Variants in ARHGAP15 observed in about 807,000 individuals in gnomAD.
The protein encoded by ARHGAP15 is Rho GTPase activating protein 15.
Under a neutral mutation model 63.7 loss-of-function variants are expected in ARHGAP15, and 51 were observed. The ratio of observed to expected loss-of-function variants is 0.80; its 90% CI spans 0.64 to 1.01. The LOEUF (loss-of-function observed/expected upper bound fraction) is 1.01, where lower values mean the gene tolerates loss of function less well. ARHGAP15 is among the 50% of genes least tolerant of loss of function. The pLI is 0.00. For missense variants in ARHGAP15, 560 were observed against 564.6 expected, an observed-to-expected ratio of 0.99 and a Z score of 0.08; for synonymous variants, 191 against 193.8, an observed-to-expected ratio of 0.99 and a Z score of 0.12.
chr2:143,394,148 A>G (rs1391198077), intron 6 of ARHGAP15, among the ~76,000 whole-genome samples: 1 of 152,188 alleles, frequency 6.6e-6, no homozygotes, highest in Non-Finnish European at 1.5e-5. Context: ...TTTCAAATGG[A>G]CTTCTTTGCT....
At chr2:143,507,045 A>G (rs1362885728) in intron 9 of ARHGAP15, among the ~76,000 whole-genome samples, 1 of 152,212 alleles carries the variant, frequency 6.6e-6, no homozygotes, top group African/African-American at 2.4e-5. Context: ...TGCAATAAAT[A>G]TAAATACAAG....
intron 2 of ARHGAP15, among the ~76,000 whole-genome samples, chr2:143,195,796 T>C (rs907461984): frequency 7.2e-5 from 11 of 152,150 alleles, no homozygotes; most frequent in Non-Finnish European, 1.6e-4. Flanking sequence ...GATATAAACT[T>C]TCATCAAAAA....
chr2:143,440,564 G>C (rs4349282), intron 8 of ARHGAP15, among the ~76,000 whole-genome samples: 135,707 of 152,198 alleles, frequency 0.89, 60,824 homozygotes, highest in Middle Eastern at 0.97. Context: ...AACAGGTGGT[G>C]ATTTCGTTGT....
At chr2:143,627,551 A>G (rs1698883247) in intron 12 of ARHGAP15, among the ~76,000 whole-genome samples, 1 of 152,178 alleles carries the variant, frequency 6.6e-6, no homozygotes, top group African/African-American at 2.4e-5. Context: ...TTTTAAGAAC[A>G]TTTATACCCC....
chr2:143,661,005 T>C (rs1242598208), intron 12 of ARHGAP15, among the ~76,000 whole-genome samples: 2 of 152,216 alleles, frequency 1.3e-5, no homozygotes, highest in African/African-American at 2.4e-5. Context: ...GGAGAACCCA[T>C]GTTCTTGCCT....
chr2:143,158,957 A>G (rs1690186956), intron 2 of ARHGAP15, among the ~76,000 whole-genome samples: 1 of 151,962 alleles, frequency 6.6e-6, no homozygotes, highest in Admixed American at 6.6e-5. Context: ...TAGAATAGAT[A>G]TTAATGAGGA....
chr2:143,748,449 CT>C (rs1468256484), intron 13 of ARHGAP15, among the ~76,000 whole-genome samples: 1 of 152,144 alleles, frequency 6.6e-6, no homozygotes, highest in Non-Finnish European at 1.5e-5. Flanking sequence ...TGAAATTTTA[CT>C]TGGCCCCACG....
At chr2:143,504,920 T>G (rs1693235625) in intron 9 of ARHGAP15, among the ~76,000 whole-genome samples, 1 of 152,162 alleles carries the variant, frequency 6.6e-6, no homozygotes, top group South Asian at 2.1e-4. Context: ...GTCCACTTTG[T>G]CTTCAAAGGA....
chr2:143,469,472 G>A (rs756461003), intron 8 of ARHGAP15, among the ~76,000 whole-genome samples: 41 of 152,176 alleles, frequency 2.7e-4, no homozygotes, highest in Non-Finnish European at 5.6e-4. Flanking sequence ...AGGCCACTGT[G>A]CCAACTGTAG....
chr2:143,148,752 T>C (rs1158696809), intron 1 of ARHGAP15, among the ~76,000 whole-genome samples: 2 of 152,106 alleles, frequency 1.3e-5, no homozygotes, highest in African/African-American at 4.8e-5. Flanking sequence ...TGATCTTCCT[T>C]TCTCATTATA....
At chr2:143,691,946 G>A (rs896532607) in intron 12 of ARHGAP15, among the ~76,000 whole-genome samples, 3 of 152,204 alleles carry the variant, frequency 2.0e-5, no homozygotes, top group African/African-American at 7.2e-5. Flanking sequence ...TATTGCCAAT[G>A]CCAGATGATG....
intron 6 of ARHGAP15, among the ~76,000 whole-genome samples, chr2:143,388,146 T>C (rs1687378822): frequency 6.6e-6 from 1 of 152,200 alleles, no homozygotes; most frequent in Admixed American, 6.5e-5. Flanking sequence ...AAGAAAACTA[T>C]TTGTTTCCAA....
At chr2:143,591,808 C>T (rs559662428) in intron 11 of ARHGAP15, among the ~76,000 whole-genome samples, 21 of 151,676 alleles carry the variant, frequency 1.4e-4, no homozygotes, top group African/African-American at 3.6e-4. Flanking sequence ...TTAGTAGAGA[C>T]GGGGTTTCAC....
At chr2:143,230,980 A>G (rs1156761360) in intron 5 of ARHGAP15, among the ~76,000 whole-genome samples, 2 of 151,988 alleles carry the variant, frequency 1.3e-5, no homozygotes, top group Admixed American at 1.3e-4. Flanking sequence ...TCCTTATACA[A>G]ATGATCTTTA....
intron 8 of ARHGAP15, among the ~76,000 whole-genome samples, chr2:143,453,105 C>T (rs1690483410): frequency 6.6e-6 from 1 of 151,938 alleles, no homozygotes; most frequent in South Asian, 2.1e-4. Context: ...CCTGTCAACC[C>T]TATGCAGCTC....
intron 6 of ARHGAP15, among the ~76,000 whole-genome samples, chr2:143,401,973 TGTGGATAGGTCTGAC>T (rs1390153091): frequency 3.1e-4 from 47 of 152,014 alleles, no homozygotes; most frequent in Non-Finnish European, 7.4e-5. Context: ...ACACTTGTTA[TGTGGATAGGTCTGAC>T]GTTGTATCCC....
At chr2:143,674,623 A>T (rs914691334) in intron 12 of ARHGAP15, among the ~76,000 whole-genome samples, 7 of 152,216 alleles carry the variant, frequency 4.6e-5, no homozygotes, top group African/African-American at 1.4e-4. Context: ...GACTACCCCA[A>T]TAAAGTGAAT....
intron 6 of ARHGAP15, among the ~76,000 whole-genome samples, chr2:143,395,754 G>C (rs1161813652): frequency 2.0e-5 from 3 of 152,070 alleles, no homozygotes; most frequent in Non-Finnish European, 4.4e-5. Context: ...TATTTGAAGA[G>C]CTAGAAGAGG....
chr2:143,552,318 G>A (rs1332929130), intron 10 of ARHGAP15, among the ~76,000 whole-genome samples: 1 of 152,188 alleles, frequency 6.6e-6, no homozygotes, highest in African/African-American at 2.4e-5. Flanking sequence ...TACCAAAAAT[G>A]CTACCTAAAC....
Sources: gnomAD v4.1 joint callset for allele counts (sites outside exome capture counted in the v4.1 genomes callset) on GRCh38, gnomAD v4.1.1 for gene constraint, MANE v1.5 for transcripts, NCBI Gene and HGNC (gene_info 2026-07-23, HGNC 2026-07-21) for gene names.